The following IL1RL2 variants were observed in gnomAD, a reference collection of about 807,000 sequenced individuals.
The protein encoded by IL1RL2 is interleukin 1 receptor like 2, also known as interleukin-1 receptor-like 2.
Under a neutral mutation model 66.8 loss-of-function variants are expected in IL1RL2, and 68 were observed. The observed-to-expected ratio is 1.02, with a 90% CI of 0.84 to 1.25. The LOEUF is 1.25. Ranked by LOEUF, IL1RL2 falls within the 50% of genes most tolerant of loss-of-function variation. IL1RL2 has a pLI of 0.00. For synonymous variants in IL1RL2, 305 were observed against 264.6 expected (o/e 1.15, Z -1.48); for missense variants, 729 against 709.3 (o/e 1.03, Z -0.32).
intron 9 of IL1RL2, among the ~76,000 whole-genome samples, chr2:102,230,627 C>T (rs373443216): frequency 3.3e-5 from 5 of 152,196 alleles, no homozygotes; most frequent in African/African-American, 9.7e-5. Context: ...AGGGAGCCAA[C>T]GAAGTCTCCA....
intron 3 of IL1RL2, 52 bp downstream of exon 3, chr2:102,189,362 T>C (rs372733391): frequency 2.9e-5 from 32 of 1,115,968 alleles, no homozygotes; most frequent in South Asian, 2.9e-4. Context: ...GTATAAATTA[T>C]TTTAGGAAAA....
chr2:102,208,089 C>G (rs1422771671), intron 5 of IL1RL2, among the ~76,000 whole-genome samples: 1 of 152,218 alleles, frequency 6.6e-6, no homozygotes, highest in African/African-American at 2.4e-5. Context: ...CTCTCAGTAC[C>G]ATGCCGCCAC....
chr2:102,242,045 TA>T (rs898783505), downstream of IL1RL2, among the ~76,000 whole-genome samples: 6 of 152,174 alleles, frequency 3.9e-5, no homozygotes, highest in African/African-American at 1.4e-4. Context: ...ATAGAGCAGT[TA>T]AAAAAATTTT....
At position 102,225,904 on chromosome 2, in the gene IL1RL2, A is replaced by G; in HGVS notation, c.998A>G (p.Asp333Gly). The G allele has an allele frequency of 6.3e-7, 1 of 1,577,234 alleles. No individual in the cohort carries two copies. The highest frequency in any genetic ancestry group is 8.6e-7 in the Non-Finnish European group (1 of 1,164,228). ...TTTTTGCTGTCATTTGTAGCTCCGG[A>G]TTTTCGAGCTTACTTGATAGGAGGG... The part of the protein sequence containing the change: ...AYIILQLPAP[D>G]FRAYLIGGLI... The change falls in exon 9 of 12, where the codon GAT becomes GGT. Residue 333 changes from aspartate to glycine, a missense_variant. By Grantham distance (94) the Asp-to-Gly change is moderately conservative (BLOSUM62 -1). Coordinates refer to ENST00000264257, the MANE Select transcript of IL1RL2 (RefSeq NM_003854.4).
chr2:102,234,759 C>A, intron 10 of IL1RL2, 138 bp from the exon 11 acceptor site: 3 of 757,726 alleles, frequency 4.0e-6, no homozygotes, highest in Non-Finnish European at 6.3e-6. Flanking sequence ...TGCACTCCAA[C>A]CTGGGCAACA....
intron 5 of IL1RL2, among the ~76,000 whole-genome samples, chr2:102,204,038 T>G (rs1280698653): frequency 6.6e-6 from 1 of 152,186 alleles, no homozygotes; most frequent in Non-Finnish European, 1.5e-5. Context: ...AACTTTTCTC[T>G]GAGTACTGCT....
chr2:102,227,702 CAG>C (rs749304577), intron 9 of IL1RL2, among the ~76,000 whole-genome samples: 3 of 152,132 alleles, frequency 2.0e-5, no homozygotes, highest in African/African-American at 7.2e-5. Context: ...TTTTCTGACA[CAG>C]AGTTGAGTGG....
chr2:102,236,865 T>A (rs550190558), intron 11 of IL1RL2, among the ~76,000 whole-genome samples: 1 of 152,326 alleles, frequency 6.6e-6, no homozygotes, highest in African/African-American at 2.4e-5. Context: ...TACTTTTCAA[T>A]AAAAAGAAAG....
At chr2:102,205,086 C>T (rs1045537944) in intron 5 of IL1RL2, among the ~76,000 whole-genome samples, 2 of 151,822 alleles carry the variant, frequency 1.3e-5, no homozygotes, top group Admixed American at 6.6e-5. Context: ...TTATTTTAAC[C>T]GGATAACAAC....
At chr2:102,188,958 C>T (rs539217789) in intron 2 of IL1RL2, 118 bp from the exon 3 acceptor site, 2 of 700,046 alleles carry the variant, frequency 2.9e-6, no homozygotes, top group South Asian at 3.9e-5. Context: ...TCAAGAAACT[C>T]CCAAATAAAA....
At chr2:102,195,451 A>G (rs1340486115) in intron 4 of IL1RL2, among the ~76,000 whole-genome samples, 1 of 151,740 alleles carries the variant, frequency 6.6e-6, no homozygotes. Flanking sequence ...CTTATAGTTT[A>G]CCTGTTCTTT....
intron 4 of IL1RL2, among the ~76,000 whole-genome samples, chr2:102,196,933 C>T (rs1343383961): frequency 6.6e-6 from 1 of 152,166 alleles, no homozygotes; most frequent in East Asian, 1.9e-4. Context: ...AAAAGTCCTT[C>T]TGTGGGGCTA....
intron 9 of IL1RL2, 75 bp from the exon 10 acceptor site, chr2:102,232,888 G>A (rs12987900): frequency 0.047 from 71,249 of 1,524,626 alleles, 1,959 homozygotes; most frequent in Middle Eastern, 0.15. Flanking sequence ...CATGGTAGCC[G>A]CTCAGGCTTC....
At chr2:102,223,764 C>T (rs1690351463) in intron 8 of IL1RL2, among the ~76,000 whole-genome samples, 1 of 152,200 alleles carries the variant, frequency 6.6e-6, no homozygotes, top group African/African-American at 2.4e-5. Context: ...CCAAAACAGA[C>T]ACTAAATATT....
chr2:102,208,726 C>A (rs955433475), intron 5 of IL1RL2, among the ~76,000 whole-genome samples: 1 of 152,232 alleles, frequency 6.6e-6, no homozygotes, highest in African/African-American at 2.4e-5. Context: ...CAGTGACTCC[C>A]TGAATTCCAG....
intron 3 of IL1RL2, among the ~76,000 whole-genome samples, chr2:102,189,615 T>C (rs1466566225): frequency 6.7e-6 from 1 of 150,330 alleles, no homozygotes; most frequent in Non-Finnish European, 1.5e-5. Context: ...TTTTCTTTTT[T>C]ATTTTTCTTT....
chr2:102,191,690 C>T (rs549609820), intron 3 of IL1RL2, among the ~76,000 whole-genome samples: 1 of 152,234 alleles, frequency 6.6e-6, no homozygotes, highest in South Asian at 2.1e-4. Context: ...TCCACTTGCC[C>T]CTAGTTGGTG....
intron 9 of IL1RL2, among the ~76,000 whole-genome samples, chr2:102,232,073 A>T (rs1578197049): frequency 6.7e-6 from 1 of 149,498 alleles, no homozygotes; most frequent in Non-Finnish European, 1.5e-5. Context: ...TCCAGGCTGG[A>T]GTGCAGTGGC....
At chr2:102,215,765 G>T (rs1421059483) in intron 6 of IL1RL2, among the ~76,000 whole-genome samples, 9 of 152,152 alleles carry the variant, frequency 5.9e-5, no homozygotes, top group Non-Finnish European at 1.3e-4. Flanking sequence ...TGCAGATGTG[G>T]ATTGTAGCTG....
Sources: allele counts gnomAD v4.1 joint callset (sites outside exome capture counted in the v4.1 genomes callset), GRCh38; gene constraint gnomAD v4.1.1; transcripts MANE v1.5; gene names NCBI Gene and HGNC (gene_info 2026-07-23, HGNC 2026-07-21).